The following DNAH14 variants were observed in gnomAD, a reference collection of about 807,000 sequenced individuals.
DNAH14 encodes dynein axonemal heavy chain 14, also known as axonemal beta dynein heavy chain 14.
A neutral mutation model predicts 520.9 loss-of-function variants in DNAH14; 478 were observed. That is an observed-to-expected ratio of 0.92 (90% CI 0.85 to 0.99). The LOEUF (loss-of-function observed/expected upper bound fraction) is 0.99, where lower values mean the gene tolerates loss of function less well. Ranked by LOEUF, DNAH14 falls within the 50% of genes least tolerant of loss-of-function variation. DNAH14 has a pLI of 0.00. For synonymous variants in DNAH14, 1,581 were observed against 1,757.2 expected, an observed-to-expected ratio of 0.90 and a Z score of 2.51; for missense variants, 4,831 against 5,234.5, an observed-to-expected ratio of 0.92 and a Z score of 2.38.
At chr1:225,151,733 C>CA in intron 31 of DNAH14, 3 of 607,238 alleles carry the variant, frequency 4.9e-6, no homozygotes, top group African/African-American at 1.9e-5. Flanking sequence ...CTATGTAAGT[C>CA]AACTCATTCA....
chr1:225,353,530 C>T (rs16844772), intron 72 of DNAH14, among the ~76,000 whole-genome samples: 38,399 of 151,934 alleles, frequency 0.25, 5,182 homozygotes, highest in East Asian at 0.35. Context: ...ATTTCTTCAT[C>T]TGTCCATCAT....
chr1:225,122,612 A>G (rs899445074), intron 26 of DNAH14, among the ~76,000 whole-genome samples: 2 of 152,202 alleles, frequency 1.3e-5, no homozygotes, highest in African/African-American at 4.8e-5. Flanking sequence ...AGTCATAAGG[A>G]CTTTTCATGG....
chr1:225,239,058 A>G (rs2091801863), intron 42 of DNAH14, among the ~76,000 whole-genome samples: 1 of 152,130 alleles, frequency 6.6e-6, no homozygotes, highest in Non-Finnish European at 1.5e-5. Flanking sequence ...CCTCCAGCCT[A>G]TTGCCAGTGG....
intron 15 of DNAH14, among the ~76,000 whole-genome samples, chr1:225,048,196 T>C (rs1383957514): frequency 2.0e-5 from 3 of 152,140 alleles, no homozygotes; most frequent in African/African-American, 4.8e-5. Flanking sequence ...CTTAGAAAAA[T>C]GCATTTCAAA....
chr1:225,108,910 T>C (rs1005933898), intron 23 of DNAH14, among the ~76,000 whole-genome samples: 12 of 152,062 alleles, frequency 7.9e-5, no homozygotes. Flanking sequence ...AAGATAGGAG[T>C]CTAGTTTTAT....
chr1:225,374,319 C>T (rs182340013), intron 77 of DNAH14, among the ~76,000 whole-genome samples: 2,382 of 144,782 alleles, frequency 0.016, 49 homozygotes, highest in African/African-American at 0.042. Context: ...TGGAGTACAG[C>T]GGCCTGATCT....
intron 35 of DNAH14, among the ~76,000 whole-genome samples, chr1:225,160,770 T>C (rs183414722): frequency 6.6e-6 from 1 of 152,166 alleles, no homozygotes; most frequent in Non-Finnish European, 1.5e-5. Context: ...TCTTCCTTGA[T>C]TGCATTGTCT....
In DNAH14 at chr1:225,360,668, C is replaced by A; in HGVS notation, c.11777-13C>A. The A allele has an allele frequency of 6.5e-7, 1 of 1,547,526 alleles. No individual in the cohort carries two copies. The highest frequency in any genetic ancestry group is 8.7e-7 in the Non-Finnish European group (1 of 1,143,412). On this transcript the variant is annotated splice_polypyrimidine_tract_variant and intron_variant, in intron 74 of 85. Transcript: ENST00000682510. ...GCTTACAGTTTTATATACCTCTCCA[C>A]GTTGTTATACAGGGATCGACCTTAC... is the stretch of plus-strand genomic sequence containing the variant.
intron 10 of DNAH14, among the ~76,000 whole-genome samples, chr1:225,017,234 G>A (rs1423004302): frequency 6.6e-6 from 1 of 152,108 alleles, no homozygotes; most frequent in Non-Finnish European, 1.5e-5. Flanking sequence ...TTATAAGTGA[G>A]ACACCAAACT....
chr1:225,256,080 G>C (rs1014303147), intron 44 of DNAH14, among the ~76,000 whole-genome samples: 3 of 152,150 alleles, frequency 2.0e-5, no homozygotes, highest in Non-Finnish European at 4.4e-5. Flanking sequence ...TGGAAAATAA[G>C]TGATTAAATT....
chr1:225,335,395 A>ACATGTGTGTGTGCACATGTACACG (rs1558428584), intron 66 of DNAH14, among the ~76,000 whole-genome samples: 3 of 66,786 alleles, frequency 4.5e-5, no homozygotes, highest in African/African-American at 2.3e-4. Flanking sequence ...ACATATACAC[A>ACATGTGTGTGTGCACATGTACACG]TGTGTACATG....
At chr1:225,167,384 C>T (rs987241231) in intron 35 of DNAH14, among the ~76,000 whole-genome samples, 3 of 152,170 alleles carry the variant, frequency 2.0e-5, no homozygotes, top group Admixed American at 6.5e-5. Context: ...GCACAGTTTC[C>T]CTTATAATAC....
intron 11 of DNAH14, among the ~76,000 whole-genome samples, chr1:225,030,216 G>T (rs1404424001): frequency 6.6e-6 from 1 of 151,762 alleles, no homozygotes; most frequent in Non-Finnish European, 1.5e-5. Flanking sequence ...GAATGAAAAT[G>T]AAAACACAAC....
In DNAH14 at chr1:225,147,148, G is replaced by A; in HGVS notation, c.4839G>A (p.Trp1613Ter). 1 of 1,550,124 alleles carries A rather than the reference G, an allele frequency of 6.5e-7. No individual in the cohort carries two copies. The highest frequency in any genetic ancestry group is 1.2e-5 in the South Asian group (1 of 83,686). Residue 1613 changes from tryptophan (W) to a stop codon, truncating the protein, a stop_gained, in exon 31 of 86, where the codon TGG becomes TGA. Coordinates refer to ENST00000682510, the MANE Select transcript of DNAH14 (RefSeq NM_001367479.1). LOFTEE classifies it high-confidence loss of function. ...FFFGLVQSGA[W>*]SCFDEFNLID... ...TTGGACTAGTTCAGTCAGGAGCATGGAGTTGTTTTGATGAATTCAATCTAA... is the reference window on the plus strand; with the variant it reads ...TTGGACTAGTTCAGTCAGGAGCATGAAGTTGTTTTGATGAATTCAATCTAA...
intron 81 of DNAH14, among the ~76,000 whole-genome samples, chr1:225,385,361 T>C (rs1243534219): frequency 6.6e-6 from 1 of 152,122 alleles, no homozygotes; most frequent in Non-Finnish European, 1.5e-5. Flanking sequence ...TCAACATAGT[T>C]TTGGAAGTTT....
At chr1:225,242,636 A>C (rs1456877706) in intron 43 of DNAH14, among the ~76,000 whole-genome samples, 1 of 152,200 alleles carries the variant, frequency 6.6e-6, no homozygotes. Flanking sequence ...GCTGTTTTAC[A>C]GTTAATTTTA....
At chr1:225,322,472 C>T (rs1007288543) in intron 61 of DNAH14, among the ~76,000 whole-genome samples, 192 bp from the exon 62 acceptor site, 3 of 152,120 alleles carry the variant, frequency 2.0e-5, no homozygotes, top group African/African-American at 7.2e-5. Flanking sequence ...CTTCCTAAAA[C>T]TATAATATCC....
chr1:225,382,560 A>G (rs921619755), intron 81 of DNAH14, among the ~76,000 whole-genome samples: 1 of 151,940 alleles, frequency 6.6e-6, no homozygotes, highest in Non-Finnish European at 1.5e-5. Flanking sequence ...AATAATAATA[A>G]TAAAATGGCC....
At chr1:225,322,564 ATG>A in intron 61 of DNAH14, 98 bp from the exon 62 acceptor site, 1 of 1,171,998 alleles carries the variant, frequency 8.5e-7, no homozygotes, top group South Asian at 2.6e-5. Context: ...CCTTATCCAA[ATG>A]TGTGTTAAAA....
Sources: allele counts gnomAD v4.1 joint callset (sites outside exome capture counted in the v4.1 genomes callset), GRCh38; gene constraint gnomAD v4.1.1; transcripts MANE v1.5; gene names NCBI Gene and HGNC (gene_info 2026-07-23, HGNC 2026-07-21).